RAB27B: variants seen among roughly 807,000 people sequenced by gnomAD.
The protein encoded by RAB27B is ras-related protein Rab-27B.
In RAB27B, 15 loss-of-function variants were observed where a neutral mutation model predicts 24.6. The ratio of observed to expected loss-of-function variants is 0.61; its 90% CI spans 0.41 to 0.94. RAB27B has a LOEUF of 0.94. Ranked by LOEUF, RAB27B falls within the 40% of genes least tolerant of loss-of-function variation. The pLI is 0.00. For missense variants in RAB27B, 261 were observed against 266.8 expected, an observed-to-expected ratio of 0.98 and a Z score of 0.15; for synonymous variants, 105 against 92.5, an observed-to-expected ratio of 1.14 and a Z score of -0.78.
intron 2 of RAB27B, among the ~76,000 whole-genome samples, chr18:54,723,612 A>G (rs374683334): frequency 8.6e-4 from 131 of 152,230 alleles, no homozygotes; most frequent in African/African-American, 3.1e-3. Context: ...GAAACAATAG[A>G]TAGCTAGAGA....
chr18:54,759,448 T>C (rs998616335), intron 2 of RAB27B, among the ~76,000 whole-genome samples: 2 of 152,134 alleles, frequency 1.3e-5, no homozygotes, highest in Non-Finnish European at 2.9e-5. Context: ...ATGAGCTCTG[T>C]AGTATGCTGA....
At chr18:54,722,641 A>G (rs146309920) in intron 2 of RAB27B, among the ~76,000 whole-genome samples, 11 of 152,314 alleles carry the variant, frequency 7.2e-5, no homozygotes, top group African/African-American at 2.6e-4. Context: ...AAGGTAGTTC[A>G]TTGATACTTG....
intron 2 of RAB27B, among the ~76,000 whole-genome samples, chr18:54,756,457 T>C (rs1006379279): frequency 5.3e-5 from 8 of 152,142 alleles, no homozygotes; most frequent in Non-Finnish European, 1.2e-4. Context: ...TTTTCTACCA[T>C]GTTTTTTTTC....
At chr18:54,853,473 A>T (rs980742572) in intron 1 of RAB27B, among the ~76,000 whole-genome samples, 1 of 152,150 alleles carries the variant, frequency 6.6e-6, no homozygotes, top group African/African-American at 2.4e-5. Context: ...AATTTGATTG[A>T]TTCCAGTAGT....
intron 1 of RAB27B, among the ~76,000 whole-genome samples, chr18:54,858,545 G>A (rs989833836): frequency 6.6e-6 from 1 of 151,830 alleles, no homozygotes; most frequent in African/African-American, 2.4e-5. Context: ...CAGTACGCCC[G>A]GCTAATTTTT....
rs547971594 is a variant in RAB27B at position 54,821,785 on chromosome 18, C to T, written c.-19-55782C>T. On this transcript the variant is annotated intron_variant, in intron 2 of 4. Coordinates refer to the RAB27B transcript ENST00000586570. ...TTTATTTTTTTGAGATGGCGTTTCACGCTTGTCGCCCAGGCTGGAGTGCAA... is the reference window on the plus strand; with the variant it reads ...TTTATTTTTTTGAGATGGCGTTTCATGCTTGTCGCCCAGGCTGGAGTGCAA... Among the ~76,000 whole-genome samples the T allele has an allele frequency of 4.7e-4, 71 of 152,332 alleles. No individual in the cohort carries two copies. The South Asian group carries it at 5.4e-3, about 12-fold the overall frequency.
chr18:54,821,524 A>G (rs1386598692), intron 2 of RAB27B, among the ~76,000 whole-genome samples: 1 of 152,152 alleles, frequency 6.6e-6, no homozygotes, highest in African/African-American at 2.4e-5. Flanking sequence ...TCAAGCTACC[A>G]ATGACTTTCT....
intron 2 of RAB27B, among the ~76,000 whole-genome samples, chr18:54,792,955 G>A (rs142877565): frequency 1.3e-5 from 2 of 152,314 alleles, no homozygotes; most frequent in South Asian, 2.1e-4. Flanking sequence ...CTCTGGCAGA[G>A]CTGGAGTATA....
At chr18:54,737,665 A>T (rs907887879) in intron 2 of RAB27B, among the ~76,000 whole-genome samples, 1 of 152,168 alleles carries the variant, frequency 6.6e-6, no homozygotes, top group Non-Finnish European at 1.5e-5. Context: ...ATACATGTTT[A>T]TTGAAAGAAT....
In RAB27B at chr18:54,889,651, A is replaced by C. The variant is rs1036269751; in HGVS notation, c.*238A>C. ...TCCCAATGTGATCTCATCATCATGG[A>C]TACTCAATTTGTTTTTTCTTATAGA... is the stretch of plus-strand genomic sequence containing the variant. On this transcript the variant is annotated 3_prime_UTR_variant, in exon 6 of 6. Coordinates refer to ENST00000262094, the MANE Select transcript of RAB27B (RefSeq NM_004163.4). 5.4e-6 allele frequency: 2 copies of C among 373,102 alleles called. No homozygotes were observed. The highest frequency in any genetic ancestry group is 4.2e-5 in the African/African-American group (2 of 48,034). The allele number at this position is 373,102 out of a possible 1,614,324, so 23.1% of individuals were successfully genotyped here.
intron 2 of RAB27B, among the ~76,000 whole-genome samples, chr18:54,754,168 G>A (rs1199896286): frequency 1.3e-5 from 2 of 152,056 alleles, no homozygotes; most frequent in African/African-American, 2.4e-5. Context: ...TTTCCCCCAC[G>A]CTGTTCTCGT....
chr18:54,870,202 AAATAT>A (rs1912407021), intron 1 of RAB27B, among the ~76,000 whole-genome samples: 1 of 152,186 alleles, frequency 6.6e-6, no homozygotes, highest in Non-Finnish European at 1.5e-5. Flanking sequence ...AAATTAGATA[AAATAT>A]AAGAAACAGA....
At chr18:54,771,950 C>T (rs757727698) in intron 2 of RAB27B, among the ~76,000 whole-genome samples, 4 of 152,182 alleles carry the variant, frequency 2.6e-5, no homozygotes, top group Non-Finnish European at 5.9e-5. Context: ...TATATCATCT[C>T]TATTACTTAA....
intron 2 of RAB27B, among the ~76,000 whole-genome samples, chr18:54,766,693 A>G (rs1304077207): frequency 6.6e-6 from 1 of 152,114 alleles, no homozygotes; most frequent in African/African-American, 2.4e-5. Context: ...TTAGAAATCT[A>G]TGGTGAGGAA....
intron 4 of RAB27B, among the ~76,000 whole-genome samples, chr18:54,887,740 T>G (rs879263664): frequency 3.9e-5 from 6 of 152,184 alleles, no homozygotes; most frequent in African/African-American, 7.2e-5. Context: ...ACCTAACATT[T>G]ACTAAATGTT....
chr18:54,861,965 A>G (rs1912026586), intron 1 of RAB27B, among the ~76,000 whole-genome samples: 2 of 152,134 alleles, frequency 1.3e-5, no homozygotes, highest in African/African-American at 4.8e-5. Flanking sequence ...GATTCTTTCA[A>G]TATACAGCTT....
intron 2 of RAB27B, among the ~76,000 whole-genome samples, chr18:54,737,357 C>G (rs938760441): frequency 6.6e-6 from 1 of 152,170 alleles, no homozygotes; most frequent in African/African-American, 2.4e-5. Flanking sequence ...AAAAGTAACT[C>G]AACCTTTATT....
At chr18:54,875,541 G>GT (rs11339253) in intron 1 of RAB27B, among the ~76,000 whole-genome samples, 7 of 25,656 alleles carry the variant, frequency 2.7e-4, no homozygotes, top group Admixed American at 6.5e-4. Context: ...CTTTGTCTAG[G>GT]TTTTTTTTTT....
At chr18:54,857,378 C>A (rs374002511) in intron 1 of RAB27B, among the ~76,000 whole-genome samples, 1 of 152,194 alleles carries the variant, frequency 6.6e-6, no homozygotes. Context: ...TCACCACACC[C>A]TTTAGAGGTA....
Sources: gnomAD v4.1 joint callset for allele counts (sites outside exome capture counted in the v4.1 genomes callset) on GRCh38, gnomAD v4.1.1 for gene constraint, MANE v1.5 for transcripts, NCBI Gene and HGNC (gene_info 2026-07-23, HGNC 2026-07-21) for gene names.